ATP5F1C: variants seen among roughly 807,000 people sequenced by gnomAD.
ATP5F1C encodes ATP synthase F1 subunit gamma.
In ATP5F1C, 22 loss-of-function variants were observed where a neutral mutation model predicts 37.4. The ratio of observed to expected loss-of-function variants is 0.59; its 90% CI spans 0.42 to 0.84. The LOEUF is 0.84. ATP5F1C is among the 40% of genes least tolerant of loss of function. ATP5F1C has a pLI of 0.00. For synonymous variants in ATP5F1C, 121 were observed against 128.0 expected (o/e 0.95, Z 0.37); for missense variants, 286 against 362.4 (o/e 0.79, Z 1.71).
chr10:7,804,892 T>G (rs1213565385), intron 8 of ATP5F1C, among the ~76,000 whole-genome samples: 9 of 152,260 alleles, frequency 5.9e-5, no homozygotes, highest in African/African-American at 2.2e-4. Context: ...CTATTTAAAG[T>G]GTTCCTTAAG....
intron 8 of ATP5F1C, among the ~76,000 whole-genome samples, chr10:7,805,751 A>G (rs1442063608): frequency 6.7e-6 from 1 of 149,130 alleles, no homozygotes; most frequent in Non-Finnish European, 1.5e-5. Context: ...CTTCTCAAAA[A>G]AAAAAAAAAA....
At chr10:7,798,592 T>C (rs1836286751) in intron 3 of ATP5F1C, among the ~76,000 whole-genome samples, 1 of 152,226 alleles carries the variant, frequency 6.6e-6, no homozygotes, top group African/African-American at 2.4e-5. Flanking sequence ...TATTTTTTAG[T>C]AGAGACGGGG....
At chr10:7,795,497 G>T (rs1554772833) in intron 1 of ATP5F1C, among the ~76,000 whole-genome samples, 1 of 151,618 alleles carries the variant, frequency 6.6e-6, no homozygotes, top group Non-Finnish European at 1.5e-5. Flanking sequence ...CAATTTTAAA[G>T]ACTTGAAAAA....
At chr10:7,793,672 G>A (rs1056585423) in intron 1 of ATP5F1C, among the ~76,000 whole-genome samples, 3 of 152,112 alleles carry the variant, frequency 2.0e-5, no homozygotes, top group African/African-American at 7.2e-5. Context: ...TGCTTTTGGT[G>A]TTGTGTTTAA....
intron 1 of ATP5F1C, among the ~76,000 whole-genome samples, chr10:7,792,393 C>CA (rs927950188): frequency 9.2e-5 from 14 of 152,086 alleles, no homozygotes; most frequent in African/African-American, 2.9e-4. Context: ...CTTCAAACCG[C>CA]AAAAAACAAA....
At chr10:7,801,640 A>G (rs938525745) in intron 6 of ATP5F1C, 2 of 152,244 alleles carry the variant, frequency 1.3e-5, no homozygotes, top group Admixed American at 1.3e-4. Flanking sequence ...CATATTTATA[A>G]TGCAGTATCT....
chr10:7,789,102 G>C (rs1463945166), intron 1 of ATP5F1C, among the ~76,000 whole-genome samples: 1 of 152,072 alleles, frequency 6.6e-6, no homozygotes, highest in Non-Finnish European at 1.5e-5. Context: ...GTGCATATTA[G>C]AAGGCCCGGG....
At chr10:7,802,995 A>T (rs1836400706) in intron 8 of ATP5F1C, 141 bp downstream of exon 8, 2 of 618,740 alleles carry the variant, frequency 3.2e-6, no homozygotes, top group South Asian at 4.6e-5. Context: ...CTCTTAGGCT[A>T]TAAAGATGTG....
chr10:7,806,041 G>A (rs374188685), intron 8 of ATP5F1C, among the ~76,000 whole-genome samples: 10 of 152,298 alleles, frequency 6.6e-5, no homozygotes, highest in African/African-American at 2.2e-4. Flanking sequence ...AGCTATGATC[G>A]TGCCACTGCA....
At chr10:7,798,105 A>G (rs1836275965) in intron 3 of ATP5F1C, among the ~76,000 whole-genome samples, 1 of 152,224 alleles carries the variant, frequency 6.6e-6, no homozygotes, top group Non-Finnish European at 1.5e-5. Context: ...AGATTTATGC[A>G]TATTTGATAG....
At position 7,799,934 on chromosome 10, in the gene ATP5F1C, T is replaced by A; in HGVS notation, c.572+19T>A. The A allele has an allele frequency of 6.2e-7, 1 of 1,607,064 alleles. No individual in the cohort carries two copies. Among genetic ancestry groups the A allele is most frequent in the Non-Finnish European group, 8.5e-7 (1 of 1,177,150 alleles). ...AATTCAGGCAAGACAGATTTAGAAA[T>A]CAAAGCTTTTTTATGTTCATGCTTT... On this transcript the variant is annotated intron_variant, in intron 5 of 9. Transcript: ENST00000356708.
chr10:7,791,020 G>A (rs1836154531), intron 1 of ATP5F1C, among the ~76,000 whole-genome samples: 1 of 152,186 alleles, frequency 6.6e-6, no homozygotes, highest in Non-Finnish European at 1.5e-5. Context: ...GATGCAGTCG[G>A]GCTAGGCGCA....
chr10:7,795,132 G>C (rs755776737), intron 1 of ATP5F1C, among the ~76,000 whole-genome samples: 11 of 152,182 alleles, frequency 7.2e-5, no homozygotes, highest in Middle Eastern at 3.4e-3. Context: ...AAACCAATTT[G>C]CTTTTTTTGA....
intron 9 of ATP5F1C, among the ~76,000 whole-genome samples, chr10:7,807,372 AT>A (rs762318768): frequency 7.2e-5 from 11 of 152,150 alleles, no homozygotes; most frequent in Admixed American, 2.6e-4. Context: ...GTCTCTATTC[AT>A]TTTGTTGTGA....
chr10:7,796,826 C>A (rs910665787), intron 2 of ATP5F1C: 1 of 349,650 alleles, frequency 2.9e-6, no homozygotes, highest in East Asian at 5.7e-5. Context: ...CCTCGTGATC[C>A]GCCCACCTCA....
At chr10:7,807,598 G>T (rs1001655509) in intron 9 of ATP5F1C, 61 bp from the exon 10 acceptor site, 1 of 1,542,262 alleles carries the variant, frequency 6.5e-7, no homozygotes, top group African/African-American at 1.4e-5. Flanking sequence ...ATTATCTCTT[G>T]ACATTATTTT....
At position 7,799,092 on chromosome 10, in the gene ATP5F1C, C is replaced by G; in HGVS notation, c.326C>G (p.Ser109Cys). 6.2e-7 allele frequency: 1 copy of G among 1,613,768 alleles called. No homozygotes were observed. Among genetic ancestry groups the G allele is most frequent in the South Asian group, 1.1e-5 (1 of 91,062 alleles). The change falls in exon 4 of 10, where the codon TCC (serine) becomes TGC (cysteine). Residue 109 changes from serine to cysteine, a missense_variant. Physicochemically the swap from Ser to Cys is moderately radical, Grantham distance 112. Coordinates refer to ENST00000356708, the MANE Select transcript of ATP5F1C (RefSeq NM_001001973.3). ...GGACTGTGTGGTGCTATTCATTCCT[C>G]CATTGCTAAACAGATGAAAAGCGAG... ...DRGLCGAIHS[S>C]IAKQMKSEVA...
At chr10:7,799,270 C>T in intron 4 of ATP5F1C, 76 bp downstream of exon 4, 1 of 1,345,952 alleles carries the variant, frequency 7.4e-7, no homozygotes, top group South Asian at 1.2e-5. Context: ...TTTTGACAAA[C>T]TCTCAAAACC....
At chr10:7,796,813 T>C (rs1406431904) in intron 2 of ATP5F1C, 2 of 320,406 alleles carry the variant, frequency 6.2e-6, no homozygotes, top group Non-Finnish European at 1.1e-5. Flanking sequence ...CTTGATCTCC[T>C]GACCTCGTGA....
Sources: gnomAD v4.1 joint callset for allele counts (sites outside exome capture counted in the v4.1 genomes callset) on GRCh38, gnomAD v4.1.1 for gene constraint, MANE v1.5 for transcripts, NCBI Gene and HGNC (gene_info 2026-07-23, HGNC 2026-07-21) for gene names.